Variants in ZC3H4 observed in about 807,000 individuals in gnomAD.
ZC3H4 encodes the protein zinc finger CCCH domain-containing protein 4.
ZC3H4 carries 13 observed loss-of-function variants against 108.3 expected under a neutral mutation model. That is an observed-to-expected ratio of 0.12 (90% confidence interval 0.08 to 0.19). The LOEUF (loss-of-function observed/expected upper bound fraction) is 0.19, where lower values mean the gene tolerates loss of function less well. ZC3H4 is among the 10% of genes least tolerant of loss of function. ZC3H4 has a pLI of 1.00. For synonymous variants in ZC3H4, 917 were observed against 749.6 expected (o/e 1.22, Z -3.65); for missense variants, 1,734 against 1,838.8 (o/e 0.94, Z 1.04).
intron 2 of ZC3H4, among the ~76,000 whole-genome samples, chr19:47,111,483 C>A (rs865964007): frequency 6.6e-6 from 1 of 152,176 alleles, no homozygotes; most frequent in Non-Finnish European, 1.5e-5. Flanking sequence ...GAGGGGGGAA[C>A]CCCAGGAGAA....
At chr19:47,092,778 C>T (rs1305244692) in intron 4 of ZC3H4, among the ~76,000 whole-genome samples, 1 of 151,914 alleles carries the variant, frequency 6.6e-6, no homozygotes, top group Non-Finnish European at 1.5e-5. Context: ...GATTGCCCCA[C>T]TGCACTCCAG....
At chr19:47,106,411 C>T (rs1245774266) in intron 2 of ZC3H4, among the ~76,000 whole-genome samples, 2 of 152,180 alleles carry the variant, frequency 1.3e-5, no homozygotes, top group Non-Finnish European at 1.5e-5. Context: ...CTATGAGGTG[C>T]CACTGCATTC....
intron 11 of ZC3H4, among the ~76,000 whole-genome samples, chr19:47,076,775 A>C (rs1038581804): frequency 7.9e-5 from 12 of 152,110 alleles, no homozygotes; most frequent in African/African-American, 2.9e-4. Context: ...CGAGCAGATC[A>C]CGAGGTCAGG....
Position 47,081,569 on chromosome 19 carries a change from C to T in ZC3H4, c.1384G>A (p.Asp462Asn), listed in dbSNP as rs1600037189. The change falls in exon 11 of 15, where the codon GAC becomes AAC. Residue 462 changes from aspartate (D) to asparagine (N), a missense_variant. This residue lies in a region of ZC3H4 where 66 missense variants were observed against 166.8 expected (regional missense o/e 0.40). Transcript: ENST00000253048. ...HTTGNCINGD[D>N]CMFSHDPLTE... ...AGAGGGTCGTGGGAAAACATGCAGT[C>T]GTCACCATTGATGCAGTTCCCAGTG... 3 of 1,614,218 alleles carry T rather than the reference C, an allele frequency of 1.9e-6. No individual in the cohort carries two copies. The highest frequency in any genetic ancestry group is 2.5e-6 in the Non-Finnish European group (3 of 1,180,034).
intron 4 of ZC3H4, among the ~76,000 whole-genome samples, chr19:47,091,067 C>A (rs565479112): frequency 1.3e-5 from 2 of 151,238 alleles, no homozygotes; most frequent in Admixed American, 6.6e-5. Context: ...GAGATGCAGA[C>A]GCGAAATGCG....
chr19:47,106,727 G>T (rs979478778), intron 2 of ZC3H4, among the ~76,000 whole-genome samples: 2 of 152,174 alleles, frequency 1.3e-5, no homozygotes, highest in African/African-American at 2.4e-5. Context: ...ACCCTAGCCC[G>T]ACTCTAAATA....
At chr19:47,075,174 C>T (rs1464654729) in intron 11 of ZC3H4, among the ~76,000 whole-genome samples, 1 of 152,084 alleles carries the variant, frequency 6.6e-6, no homozygotes, top group Admixed American at 6.5e-5. Flanking sequence ...GTGTGGAAAA[C>T]GACGCGGTGG....
chr19:47,089,845 C>T, intron 5 of ZC3H4, 122 bp downstream of exon 5: 1 of 1,000,436 alleles, frequency 1.0e-6, no homozygotes, highest in Non-Finnish European at 1.5e-6. Flanking sequence ...GAGCCTGGCC[C>T]TTCTTTGTAC....
In ZC3H4 at chr19:47,072,387, C is replaced by A. The variant is rs1414653947; in HGVS notation, c.1767G>T (p.Arg589=). The change falls in exon 12 of 15, where the codon CGG becomes CGT. Residue 589 remains arginine (R), a synonymous_variant. Coordinates refer to ENST00000253048, the MANE Select transcript of ZC3H4 (RefSeq NM_015168.2). The surrounding 1 kb of genome is among the most constrained non-coding windows in gnomAD (Gnocchi z 5.6). Reference sequence around the variant, plus strand: ...GCTTCTCAGCCAGCTGTCCCGTGGGCCGCACCACGATCTCAAACAAGGAGG... The same window carrying A: ...GCTTCTCAGCCAGCTGTCCCGTGGGACGCACCACGATCTCAAACAAGGAGG... ...KIPSLFEIVV[R]PTGQLAEKLG... 1 of 1,613,352 alleles carries A rather than the reference C, an allele frequency of 6.2e-7. No homozygotes were observed. The highest frequency in any genetic ancestry group is 1.1e-5 in the South Asian group (1 of 90,924).
chr19:47,092,839 T>TAAAG (rs1460004413), intron 4 of ZC3H4, among the ~76,000 whole-genome samples: 44 of 149,782 alleles, frequency 2.9e-4, no homozygotes, highest in Admixed American at 1.0e-3. Flanking sequence ...AATAAATAAA[T>TAAAG]AAATAAATAA....
At chr19:47,103,364 G>T (rs554662933) in intron 2 of ZC3H4, among the ~76,000 whole-genome samples, 1 of 152,224 alleles carries the variant, frequency 6.6e-6, no homozygotes, top group South Asian at 2.1e-4. Flanking sequence ...GTGCAGTGGT[G>T]TGATCATTGG....
intron 2 of ZC3H4, among the ~76,000 whole-genome samples, chr19:47,100,312 A>T (rs1477978926): frequency 6.6e-6 from 1 of 152,160 alleles, no homozygotes; most frequent in African/African-American, 2.4e-5. Context: ...CATGCTTTTC[A>T]GTGTCCTTAC....
Position 47,072,788 on chromosome 19 carries a change from G to A in ZC3H4, c.1441-75C>T. 6.5e-7 allele frequency: 1 copy of A among 1,547,152 alleles called. No homozygotes were observed. Among genetic ancestry groups the A allele is most frequent in the Non-Finnish European group, 8.8e-7 (1 of 1,141,974 alleles). On this transcript the variant is annotated intron_variant, in intron 11 of 14. Transcript: ENST00000253048. The surrounding 1 kb of genome is among the most constrained non-coding windows in gnomAD (Gnocchi z 5.6). Reference sequence around the variant, plus strand: ...ACGGACCTCTCCAGGTCTGAGAGCTGAAGTTTATGAGGAAAAGTCCATAAT... The same window carrying A: ...ACGGACCTCTCCAGGTCTGAGAGCTAAAGTTTATGAGGAAAAGTCCATAAT...
intron 8 of ZC3H4, among the ~76,000 whole-genome samples, chr19:47,084,740 G>A (rs534205077): frequency 8.5e-5 from 13 of 152,302 alleles, no homozygotes; most frequent in African/African-American, 3.1e-4. Flanking sequence ...ACACCCAGAG[G>A]TGGTGGCATG....
intron 2 of ZC3H4, among the ~76,000 whole-genome samples, chr19:47,105,358 T>TGGG (rs1050752195): frequency 1.3e-5 from 2 of 152,190 alleles, no homozygotes; most frequent in Middle Eastern, 3.2e-3. Flanking sequence ...CCTATCACTT[T>TGGG]GGGAGGCCAA....
intron 5 of ZC3H4, among the ~76,000 whole-genome samples, chr19:47,089,024 G>A (rs752186371): frequency 6.6e-6 from 1 of 151,700 alleles, no homozygotes; most frequent in Non-Finnish European, 1.5e-5. Flanking sequence ...TGACCAACAT[G>A]GTGAAACTCC....
At chr19:47,093,734 G>A (rs73943617) in intron 4 of ZC3H4, 5,700 of 422,982 alleles carry the variant, frequency 0.013, 187 homozygotes, top group African/African-American at 0.083. Flanking sequence ...TGGAACTACA[G>A]GCATGCCTGG....
chr19:47,081,592 G>T lies in ZC3H4; in HGVS notation c.1361C>A (p.Thr454Asn). Residue 454 changes from threonine to asparagine, a missense_variant, in exon 11 of 15, where the codon ACT (threonine) becomes AAT (asparagine). Transcript: ENST00000253048. ...GTCGTCACCATTGATGCAGTTCCCAGTGGTGTGGTACAGCTTACACGGGAA... is the reference window on the plus strand; with the variant it reads ...GTCGTCACCATTGATGCAGTTCCCATTGGTGTGGTACAGCTTACACGGGAA... ...GDFPCKLYHT[T>N]GNCINGDDCM... 1 of 1,614,204 alleles carries T rather than the reference G, an allele frequency of 6.2e-7. No homozygotes were observed. Among genetic ancestry groups the T allele is most frequent in the African/African-American group, 1.3e-5 (1 of 75,064 alleles).
rs754930077 is a variant in ZC3H4, at chr19:47,066,425, C to T, written c.3843G>A (p.Glu1281=). 4 of 1,570,330 alleles carry T rather than the reference C, an allele frequency of 2.5e-6. No homozygotes were observed. The highest frequency in any genetic ancestry group is 3.9e-5 in the Admixed American group (2 of 51,796). ...FAGNSPAREG[E]QDAASLKDVF... ...CATCCTTCAGGGATGCCGCATCCTG[C>T]TCACCCTCGCGGGCCGGACTGTTCC... The change falls in exon 15 of 15, where the codon GAG becomes GAA. Residue 1281 remains glutamate (E), a synonymous_variant. Transcript: ENST00000253048.
Sources: gnomAD v4.1 joint callset for allele counts (sites outside exome capture counted in the v4.1 genomes callset) on GRCh38, gnomAD v4.1.1 for gene constraint, gnomAD v4.1.1 regional missense constraint, Gnocchi (gnomAD v3.1) non-coding constraint, MANE v1.5 for transcripts, NCBI Gene and HGNC (gene_info 2026-07-23, HGNC 2026-07-21) for gene names.